CNTNAP2: variants seen among roughly 807,000 people sequenced by gnomAD.
CNTNAP2 encodes the protein contactin associated protein 2.
In CNTNAP2, 98 loss-of-function variants were observed where a neutral mutation model predicts 155.2. The ratio of observed to expected loss-of-function variants is 0.63; its 90% confidence interval spans 0.54 to 0.75. The LOEUF (loss-of-function observed/expected upper bound fraction) is 0.75. Ranked by LOEUF, CNTNAP2 falls within the 30% of genes least tolerant of loss-of-function variation. The pLI, the probability that CNTNAP2 is intolerant of heterozygous loss-of-function variation, is 0.00. For missense variants in CNTNAP2, 1,727 were observed against 1,688.1 expected, an observed-to-expected ratio of 1.02 and a Z score of -0.40; for synonymous variants, 651 against 631.2, an observed-to-expected ratio of 1.03 and a Z score of -0.47.
chr7:148,080,167 A>G (rs1044274480), intron 15 of CNTNAP2, among the ~76,000 whole-genome samples: 5 of 152,216 alleles, frequency 3.3e-5, no homozygotes, highest in African/African-American at 1.2e-4. Flanking sequence ...TACAATGAGC[A>G]TATAGCAGAT....
intron 1 of CNTNAP2, among the ~76,000 whole-genome samples, chr7:146,437,724 A>G (rs1796263287): frequency 3.3e-5 from 5 of 151,628 alleles, no homozygotes; most frequent in Admixed American, 2.6e-4. Flanking sequence ...TGGGATAAAT[A>G]TATTAATGCC....
intron 8 of CNTNAP2, among the ~76,000 whole-genome samples, chr7:147,238,100 C>T (rs1233566666): frequency 6.6e-6 from 1 of 152,152 alleles, no homozygotes; most frequent in African/African-American, 2.4e-5. Context: ...CTACAAGCTC[C>T]GCCTCCCGGG....
intron 17 of CNTNAP2, among the ~76,000 whole-genome samples, chr7:148,160,499 A>AT (rs1031476043): frequency 5.9e-5 from 9 of 151,518 alleles, no homozygotes; most frequent in African/African-American, 2.2e-4. Flanking sequence ...ATAACCTGGT[A>AT]TTTTTTGTAC....
At chr7:146,961,510 A>G (rs1797558070) in intron 3 of CNTNAP2, among the ~76,000 whole-genome samples, 1 of 152,116 alleles carries the variant, frequency 6.6e-6, no homozygotes, top group South Asian at 2.1e-4. Context: ...TCTAAGGGTA[A>G]CTTTCTTTCA....
intron 4 of CNTNAP2, among the ~76,000 whole-genome samples, chr7:147,066,125 A>G (rs1376202954): frequency 6.6e-6 from 1 of 152,236 alleles, no homozygotes; most frequent in African/African-American, 2.4e-5. Flanking sequence ...TACAGAAACT[A>G]GAAGGCAACA....
rs1456723718 is a variant in CNTNAP2, at chr7:148,418,903, A to G, written c.*3287A>G. 1.3e-5 allele frequency: 2 copies of G among 152,268 alleles called. No individual in the cohort carries two copies. Among genetic ancestry groups the G allele is most frequent in the Non-Finnish European group, 2.9e-5 (2 of 68,050 alleles). 9.4% of individuals were successfully genotyped at this position (152,268 alleles called of 1,614,324 possible). A position where few individuals can be genotyped will look rare whatever the true frequency, so the allele number is the denominator to read the frequency against. On this transcript the variant is annotated 3_prime_UTR_variant, in exon 24 of 24. Coordinates refer to ENST00000361727, the MANE Select transcript of CNTNAP2 (RefSeq NM_014141.6). The stretch of plus-strand genomic sequence containing the variant: ...ACAAGAAAAAGCATTGGCATGAGCC[A>G]AAGAGTCTGTCTTAATGTTACTTTT...
chr7:146,897,006 T>C (rs1795890866), intron 3 of CNTNAP2, among the ~76,000 whole-genome samples: 1 of 152,138 alleles, frequency 6.6e-6, no homozygotes, highest in South Asian at 2.1e-4. Context: ...AACTGAATGA[T>C]GTCTGACAGA....
intron 13 of CNTNAP2, among the ~76,000 whole-genome samples, chr7:147,817,745 T>C (rs943331837): frequency 6.6e-6 from 1 of 151,392 alleles, no homozygotes; most frequent in Non-Finnish European, 1.5e-5. Context: ...CCACTAAAAA[T>C]ACAAAAAAAA....
At chr7:147,853,435 G>T (rs190829167) in intron 13 of CNTNAP2, among the ~76,000 whole-genome samples, 6 of 152,140 alleles carry the variant, frequency 3.9e-5, no homozygotes, top group Admixed American at 6.6e-5. Context: ...GTTTTCTTGA[G>T]TAGATTAACT....
chr7:147,593,427 G>A (rs75236014), intron 12 of CNTNAP2, among the ~76,000 whole-genome samples: 1,899 of 151,662 alleles, frequency 0.013, 51 homozygotes, highest in Non-Finnish European at 0.014. Flanking sequence ...AAGTGACATG[G>A]CTCTGTTATT....
At chr7:148,218,565 T>A (rs1484459118) in intron 19 of CNTNAP2, among the ~76,000 whole-genome samples, 3 of 152,030 alleles carry the variant, frequency 2.0e-5, no homozygotes, top group Admixed American at 6.6e-5. Flanking sequence ...CTAATTTTTT[T>A]AATTATTTGT....
chr7:147,949,458 A>ATATATATATATATTTT (rs1433579404), intron 14 of CNTNAP2, among the ~76,000 whole-genome samples: 3 of 137,408 alleles, frequency 2.2e-5, no homozygotes, highest in East Asian at 2.1e-4. Context: ...ATATATATAT[A>ATATATATATATATTTT]TTTTTTTTTT....
At chr7:148,352,723 G>T (rs927563300) in intron 21 of CNTNAP2, among the ~76,000 whole-genome samples, 7 of 152,330 alleles carry the variant, frequency 4.6e-5, no homozygotes, top group African/African-American at 1.7e-4. Flanking sequence ...GGGGGCTGTG[G>T]CTTGCCCAAG....
At chr7:146,767,919 C>CT (rs1235418918) in intron 1 of CNTNAP2, among the ~76,000 whole-genome samples, 1 of 152,032 alleles carries the variant, frequency 6.6e-6, no homozygotes, top group Non-Finnish European at 1.5e-5. Context: ...TATTTTGACT[C>CT]TAAGGAGCAT....
intron 1 of CNTNAP2, among the ~76,000 whole-genome samples, chr7:146,447,853 A>T (rs916116258): frequency 1.3e-5 from 2 of 151,424 alleles, no homozygotes; most frequent in Admixed American, 1.3e-4. Flanking sequence ...TCATATAAAA[A>T]AACTGTGTTT....
chr7:146,881,613 A>C (rs550007201), intron 3 of CNTNAP2, among the ~76,000 whole-genome samples: 1 of 152,168 alleles, frequency 6.6e-6, no homozygotes, highest in East Asian at 1.9e-4. Context: ...GAAAACATGA[A>C]AAATTTATGA....
At chr7:146,725,382 C>T (rs1007680498) in intron 1 of CNTNAP2, among the ~76,000 whole-genome samples, 1 of 152,096 alleles carries the variant, frequency 6.6e-6, no homozygotes, top group Non-Finnish European at 1.5e-5. Flanking sequence ...CTCCATTTTG[C>T]CTTTAGCCTT....
intron 1 of CNTNAP2, among the ~76,000 whole-genome samples, chr7:146,170,237 G>A (rs1397580791): frequency 6.6e-6 from 1 of 152,062 alleles, no homozygotes; most frequent in African/African-American, 2.4e-5. Flanking sequence ...TGTTGGCCAG[G>A]CTGGTCTCAA....
intron 20 of CNTNAP2, among the ~76,000 whole-genome samples, chr7:148,246,903 C>T (rs183901770): frequency 6.6e-6 from 1 of 152,148 alleles, no homozygotes; most frequent in Non-Finnish European, 1.5e-5. Flanking sequence ...CCTTGCTGAG[C>T]GTGGTATCTT....
Sources: allele counts gnomAD v4.1 joint callset (sites outside exome capture counted in the v4.1 genomes callset), GRCh38; gene constraint gnomAD v4.1.1; transcripts MANE v1.5; gene names NCBI Gene and HGNC (gene_info 2026-07-23, HGNC 2026-07-21).